MCM9: variants seen among roughly 807,000 people sequenced by gnomAD.
MCM9 encodes the protein minichromosome maintenance 9 homologous recombination repair factor.
In MCM9, 55 loss-of-function variants were observed where a neutral mutation model predicts 72.8. That is an observed-to-expected ratio of 0.76 (90% CI 0.61 to 0.95). MCM9 has a LOEUF of 0.95. Ranked by LOEUF, MCM9 falls within the 40% of genes least tolerant of loss-of-function variation. MCM9 has a pLI of 0.00. For synonymous variants in MCM9, 480 were observed against 503.4 expected (o/e 0.95, Z 0.62); for missense variants, 1,279 against 1,377.0 (o/e 0.93, Z 1.13).
At chr6:118,875,611 G>C (rs1777883552) in intron 8 of MCM9, among the ~76,000 whole-genome samples, 1 of 151,606 alleles carries the variant, frequency 6.6e-6, no homozygotes, top group South Asian at 2.1e-4. Flanking sequence ...ACTCCAGCCT[G>C]GGCAACAGAG....
chr6:118,876,836 A>G (rs1299405723), intron 8 of MCM9, among the ~76,000 whole-genome samples: 8 of 152,188 alleles, frequency 5.3e-5, no homozygotes, highest in Admixed American at 5.2e-4. Context: ...AACTGAGCAA[A>G]AAAGTTTGAA....
intron 9 of MCM9, among the ~76,000 whole-genome samples, chr6:118,852,130 A>G (rs563676429): frequency 2.6e-4 from 40 of 152,284 alleles, no homozygotes; most frequent in African/African-American, 8.7e-4. Context: ...ACTGAATACC[A>G]TAGGCAACTG....
rs781078527 is a variant in MCM9, at chr6:118,824,345, C to CTTTTTTT, written c.1961+1795_1961+1801dup. Among the ~76,000 whole-genome samples, 262 of 148,846 alleles carry CTTTTTTT rather than the reference C, an allele frequency of 1.8e-3. 2 individuals carry two copies. The highest frequency in any genetic ancestry group is 0.011 in the Middle Eastern group (3 of 282). ...ACTAAGCCCTATTATTTTAGTCTTT[C>CTTTTTTT]TTTTTTTTTCAGATGGAGTTTCACT... On this transcript the variant is annotated intron_variant, in intron 13 of 13. Transcript: ENST00000619706.
intron 8 of MCM9, among the ~76,000 whole-genome samples, chr6:118,882,684 T>C (rs890072516): frequency 5.9e-5 from 9 of 151,630 alleles, no homozygotes; most frequent in Non-Finnish European, 1.0e-4. Context: ...CAAGGAAAGG[T>C]TGGTTAAAAT....
At chr6:118,866,395 T>C (rs1156749065) in intron 8 of MCM9, among the ~76,000 whole-genome samples, 3 of 152,218 alleles carry the variant, frequency 2.0e-5, no homozygotes, top group Admixed American at 1.3e-4. Flanking sequence ...AGATATGTGA[T>C]GTACCTGAGA....
At chr6:118,820,451 C>A (rs1045443346) in intron 13 of MCM9, among the ~76,000 whole-genome samples, 1 of 152,152 alleles carries the variant, frequency 6.6e-6, no homozygotes, top group African/African-American at 2.4e-5. Context: ...TTTCTTAATC[C>A]TGAGTTCTAA....
intron 8 of MCM9, among the ~76,000 whole-genome samples, chr6:118,905,999 A>C (rs1780152593): frequency 6.6e-6 from 1 of 152,102 alleles, no homozygotes; most frequent in South Asian, 2.1e-4. Flanking sequence ...ATGACTTCAA[A>C]CCCTACCTTC....
chr6:118,881,873 C>T (rs1049398808), intron 8 of MCM9, among the ~76,000 whole-genome samples: 7 of 152,198 alleles, frequency 4.6e-5, no homozygotes, highest in African/African-American at 1.7e-4. Flanking sequence ...CTTCCTGCCT[C>T]TCCCCTTCTC....
chr6:118,844,904 C>G (rs1775752969), intron 9 of MCM9, among the ~76,000 whole-genome samples: 1 of 151,826 alleles, frequency 6.6e-6, no homozygotes, highest in Non-Finnish European at 1.5e-5. Context: ...CATTACAGTT[C>G]TGGACAGGCC....
chr6:118,814,994 A>C lies in MCM9; in HGVS notation c.3262T>G (p.Ser1088Ala). ...RKNRGERGPS[S>A]PPTTTAPMRV... The stretch of plus-strand genomic sequence containing the variant: ...ATTGGAGCTGTGGTTGTAGGAGGGG[A>C]GCTTGGGCCTCTCTCACCTCGGTTC... The change falls in exon 14 of 14, where the codon TCC becomes GCC. Residue 1088 changes from serine (S) to alanine (A), a missense_variant. Transcript: ENST00000619706. The C allele has an allele frequency of 6.5e-7, 1 of 1,550,100 alleles. No individual in the cohort carries two copies. Among genetic ancestry groups the C allele is most frequent in the Non-Finnish European group, 8.7e-7 (1 of 1,146,820 alleles).
chr6:118,880,824 A>T (rs1451713128), intron 8 of MCM9, among the ~76,000 whole-genome samples: 1 of 152,192 alleles, frequency 6.6e-6, no homozygotes, highest in Non-Finnish European at 1.5e-5. Flanking sequence ...GTGTTCAACA[A>T]TTCAGCAAAC....
At chr6:118,842,194 T>C (rs1625951) in intron 9 of MCM9, among the ~76,000 whole-genome samples, 8,773 of 152,264 alleles carry the variant, frequency 0.058, 366 homozygotes, top group East Asian at 0.19. Context: ...TATAATTCAG[T>C]AGACATTACA....
At chr6:118,895,441 A>G (rs1779327320) in intron 8 of MCM9, among the ~76,000 whole-genome samples, 1 of 152,210 alleles carries the variant, frequency 6.6e-6, no homozygotes, top group African/African-American at 2.4e-5. Flanking sequence ...TCTCTGCCTT[A>G]TAAATAGTCT....
intron 9 of MCM9, among the ~76,000 whole-genome samples, chr6:118,847,202 A>G (rs947318352): frequency 6.6e-6 from 1 of 151,812 alleles, no homozygotes; most frequent in Non-Finnish European, 1.5e-5. Context: ...AGAATCGAAC[A>G]CTGCATGTTC....
In MCM9 at chr6:118,814,196, T is replaced by C. The variant is rs1773271250; in HGVS notation, c.*628A>G. 2 of 152,176 alleles carry C rather than the reference T, an allele frequency of 1.3e-5. No homozygotes were observed. The highest frequency in any genetic ancestry group is 2.9e-5 in the Non-Finnish European group (2 of 68,038). 9.4% of individuals were successfully genotyped at this position (152,176 alleles called of 1,614,324 possible). ...GAAGGTCAGTACTTCAGAAAGGTAC[T>C]GTTTGACCAGTGGCCAGATCTCTAA... On this transcript the variant is annotated 3_prime_UTR_variant, in exon 14 of 14. Transcript: ENST00000619706.
At chr6:118,858,545 A>G (rs891473417) in intron 8 of MCM9, among the ~76,000 whole-genome samples, 96 of 152,188 alleles carry the variant, frequency 6.3e-4, no homozygotes, top group African/African-American at 2.3e-3. Flanking sequence ...TAATTAACAT[A>G]CAGACTGAAA....
At chr6:118,862,262 A>G (rs368274854) in intron 8 of MCM9, among the ~76,000 whole-genome samples, 1 of 152,128 alleles carries the variant, frequency 6.6e-6, no homozygotes, top group African/African-American at 2.4e-5. Flanking sequence ...GTGTGTGGGG[A>G]GCCAACTTGG....
intron 9 of MCM9, among the ~76,000 whole-genome samples, chr6:118,842,323 A>T (rs149222880): frequency 0.011 from 1,640 of 152,334 alleles, 9 homozygotes; most frequent in Non-Finnish European, 0.018. Context: ...ATCCTGCTTA[A>T]GTTTGAAAAG....
chr6:118,857,921 A>G (rs1034667574), intron 8 of MCM9, among the ~76,000 whole-genome samples: 3 of 152,194 alleles, frequency 2.0e-5, no homozygotes, highest in African/African-American at 7.2e-5. Context: ...GAATTCTACC[A>G]AATATTTGAG....
Sources: gnomAD v4.1 joint callset for allele counts (sites outside exome capture counted in the v4.1 genomes callset) on GRCh38, gnomAD v4.1.1 for gene constraint, MANE v1.5 for transcripts, NCBI Gene and HGNC (gene_info 2026-07-23, HGNC 2026-07-21) for gene names.